Variants in LIX1 observed in about 807,000 individuals in gnomAD.
LIX1 encodes limb and CNS expressed 1.
In LIX1, 24 loss-of-function variants were observed where a neutral mutation model predicts 33.4. The observed-to-expected ratio is 0.72, with a 90% CI of 0.52 to 1.01. The LOEUF is 1.01. LIX1 is among the 50% of genes least tolerant of loss of function. LIX1 has a pLI of 0.00. For missense variants in LIX1, 311 were observed against 339.2 expected (o/e 0.92, Z 0.65); for synonymous variants, 124 against 124.0 (o/e 1.00, Z 0.00).
chr5:97,126,212 T>A (rs1201206634), intron 1 of LIX1, among the ~76,000 whole-genome samples: 2 of 152,280 alleles, frequency 1.3e-5, no homozygotes, highest in South Asian at 4.1e-4. Context: ...ACGGCATCTA[T>A]GCCCTTTGCC....
intron 2 of LIX1, among the ~76,000 whole-genome samples, chr5:97,114,426 C>A (rs192950355): frequency 8.4e-4 from 128 of 152,226 alleles, no homozygotes; most frequent in Admixed American, 7.1e-3. Context: ...CTCATTTTGG[C>A]CCTGTATTTT....
At position 97,121,146 on chromosome 5, in the gene LIX1, C is replaced by T. The variant is rs533169419; in HGVS notation, c.246+3320G>A. 3.3e-5 allele frequency among the ~76,000 whole-genome samples: 5 copies of T among 152,246 alleles called. No homozygotes were observed. In the South Asian group the frequency reaches 6.2e-4, roughly 19 times the overall value. On this transcript the variant is annotated intron_variant, in intron 2 of 5. Transcript: ENST00000274382. ...GCCCCCTGAAGTTTCCCTAAAGCTA[C>T]GTATATGTTCAATCTAATTTTAAAA...
rs138863463 is a variant in LIX1, at chr5:97,133,896, A to G, written c.82+8599T>C. ...ACCATATAGTTCATTGCTTAGTTCA[A>G]TTACCTAATATGACACAAGTCCTGC... On this transcript the variant is annotated intron_variant, in intron 1 of 5. Transcript: ENST00000274382. Among the ~76,000 whole-genome samples, 489 of 152,344 alleles carry G rather than the reference A, an allele frequency of 3.2e-3. 7 individuals carry two copies. The highest frequency in any genetic ancestry group is 0.011 in the African/African-American group (466 of 41,566).
chr5:97,137,175 C>A, intron 1 of LIX1: 1 of 434,200 alleles, frequency 2.3e-6, no homozygotes, highest in Admixed American at 2.5e-5. Flanking sequence ...AAATTGAGTT[C>A]AGACTAACAA....
intron 1 of LIX1, among the ~76,000 whole-genome samples, chr5:97,133,360 G>A (rs1432685815): frequency 6.6e-6 from 1 of 152,238 alleles, no homozygotes; most frequent in Non-Finnish European, 1.5e-5. Flanking sequence ...CATCACAGGG[G>A]TGCTGTAAGG....
chr5:97,126,179 C>G (rs1304330555), intron 1 of LIX1, among the ~76,000 whole-genome samples: 2 of 152,246 alleles, frequency 1.3e-5, no homozygotes, highest in African/African-American at 4.8e-5. Flanking sequence ...AGTTTTTGCT[C>G]TTTCAAACAT....
At chr5:97,100,495 A>C (rs1311484841) in intron 4 of LIX1, among the ~76,000 whole-genome samples, 1 of 152,224 alleles carries the variant, frequency 6.6e-6, no homozygotes, top group Non-Finnish European at 1.5e-5. Context: ...TGCCATCATT[A>C]TATAAAGTAT....
At chr5:97,121,271 T>C (rs1747779011) in intron 2 of LIX1, among the ~76,000 whole-genome samples, 1 of 152,216 alleles carries the variant, frequency 6.6e-6, no homozygotes, top group African/African-American at 2.4e-5. Flanking sequence ...TGTGCTTTTC[T>C]TTTGTTATGA....
At chr5:97,139,533 GT>G (rs1324630266) in intron 1 of LIX1, among the ~76,000 whole-genome samples, 1 of 152,228 alleles carries the variant, frequency 6.6e-6, no homozygotes, top group Non-Finnish European at 1.5e-5. Context: ...CTCAGCTTTG[GT>G]TGTGATGCAT....
At position 97,093,388 on chromosome 5, in the gene LIX1, G is replaced by T. The variant is rs1423815458; in HGVS notation, c.*1360C>A. On this transcript the variant is annotated 3_prime_UTR_variant, in exon 6 of 6. Coordinates refer to ENST00000274382, the MANE Select transcript of LIX1 (RefSeq NM_153234.5). ...TTTAATTTGGACTACTGAATAAAAT[G>T]CAGAATAATCATTTTCATGTTACAG... 6.6e-6 allele frequency: 1 copy of T among 152,210 alleles called. No individual in the cohort carries two copies. The highest frequency in any genetic ancestry group is 1.5e-5 in the Non-Finnish European group (1 of 68,000). The allele number at this position is 152,210 out of a possible 1,614,324, so 9.4% of individuals were successfully genotyped here.
chr5:97,126,589 A>G (rs992334410), intron 1 of LIX1, among the ~76,000 whole-genome samples: 1 of 152,088 alleles, frequency 6.6e-6, no homozygotes, highest in Non-Finnish European at 1.5e-5. Flanking sequence ...ATTGGTCATT[A>G]CAGAGCTTTT....
At chr5:97,130,941 T>C (rs1192580828) in intron 1 of LIX1, among the ~76,000 whole-genome samples, 1 of 152,222 alleles carries the variant, frequency 6.6e-6, no homozygotes, top group East Asian at 1.9e-4. Flanking sequence ...TGCCATGTAG[T>C]TTATAGACAT....
At chr5:97,115,163 T>G (rs941405647) in intron 2 of LIX1, among the ~76,000 whole-genome samples, 16 of 152,358 alleles carry the variant, frequency 1.1e-4, no homozygotes, top group African/African-American at 3.8e-4. Flanking sequence ...CAAGATTAAT[T>G]TGTTGACCAG....
intron 4 of LIX1, among the ~76,000 whole-genome samples, chr5:97,099,881 C>A (rs1313484903): frequency 6.6e-6 from 1 of 152,166 alleles, no homozygotes; most frequent in Non-Finnish European, 1.5e-5. Flanking sequence ...TTGACCCCCA[C>A]AACCCTAAAT....
At chr5:97,096,719 A>G in intron 5 of LIX1, 91 bp downstream of exon 5, 5 of 922,636 alleles carry the variant, frequency 5.4e-6, no homozygotes, top group Non-Finnish European at 8.7e-6. Context: ...TATATTTGGA[A>G]AAATCCGAAT....
intron 1 of LIX1, among the ~76,000 whole-genome samples, chr5:97,125,678 G>A (rs1218393293): frequency 6.6e-6 from 1 of 152,142 alleles, no homozygotes; most frequent in African/African-American, 2.4e-5. Flanking sequence ...GCCCACCACA[G>A]GTTTAAAAGC....
chr5:97,102,982 C>T (rs979595540), intron 4 of LIX1: 17 of 434,342 alleles, frequency 3.9e-5, no homozygotes, highest in Middle Eastern at 5.0e-4. Context: ...ACTTAAATCC[C>T]GCAAAAATTC....
At chr5:97,106,281 A>C (rs1208413291) in intron 3 of LIX1, among the ~76,000 whole-genome samples, 4 of 152,218 alleles carry the variant, frequency 2.6e-5, no homozygotes, top group Middle Eastern at 3.2e-3. Context: ...CTGGAAAATA[A>C]AGGCTTCCTT....
At chr5:97,127,588 A>G (rs569710352) in intron 1 of LIX1, among the ~76,000 whole-genome samples, 2 of 152,352 alleles carry the variant, frequency 1.3e-5, no homozygotes, top group Admixed American at 1.3e-4. Context: ...AAAGATGGGT[A>G]TATCAGAAAA....
Sources: gnomAD v4.1 joint callset for allele counts (sites outside exome capture counted in the v4.1 genomes callset) on GRCh38, gnomAD v4.1.1 for gene constraint, MANE v1.5 for transcripts, NCBI Gene and HGNC (gene_info 2026-07-23, HGNC 2026-07-21) for gene names.